The following ACBD6 variants were observed in gnomAD, a reference collection of about 807,000 sequenced individuals.
ACBD6 encodes acyl-CoA binding domain containing 6.
ACBD6 carries 28 observed loss-of-function variants against 37.2 expected under a neutral mutation model. The ratio of observed to expected loss-of-function variants is 0.75; its 90% CI spans 0.56 to 1.03. The LOEUF (loss-of-function observed/expected upper bound fraction) is 1.03, where lower values mean the gene tolerates loss of function less well. Ranked by LOEUF, ACBD6 falls within the 50% of genes least tolerant of loss-of-function variation. ACBD6 has a pLI of 0.00. For missense variants in ACBD6, 340 were observed against 337.4 expected (o/e 1.01, Z -0.06); for synonymous variants, 113 against 126.8 (o/e 0.89, Z 0.73).
intron 7 of ACBD6, among the ~76,000 whole-genome samples, chr1:180,288,913 T>A (rs1049512438): frequency 2.6e-5 from 4 of 151,976 alleles, no homozygotes; most frequent in Non-Finnish European, 2.9e-5. Flanking sequence ...ATACTGTAAA[T>A]GTCAAATAAA....
At chr1:180,484,480 T>C (rs972902917) in intron 3 of ACBD6, among the ~76,000 whole-genome samples, 2 of 152,186 alleles carry the variant, frequency 1.3e-5, no homozygotes, top group Non-Finnish European at 2.9e-5. Flanking sequence ...TTGAGGATAC[T>C]GGGAGCAGGG....
chr1:180,469,749 T>G (rs1650483945), intron 3 of ACBD6, among the ~76,000 whole-genome samples: 1 of 152,244 alleles, frequency 6.6e-6, no homozygotes, highest in Non-Finnish European at 1.5e-5. Flanking sequence ...TAGCCTACCA[T>G]GTGCAGGTTA....
At chr1:180,474,364 A>G (rs977295339) in intron 3 of ACBD6, among the ~76,000 whole-genome samples, 2 of 152,190 alleles carry the variant, frequency 1.3e-5, no homozygotes, top group Non-Finnish European at 2.9e-5. Context: ...ATGCAGCCCT[A>G]GAAAAGAGCA....
chr1:180,332,793 T>C (rs1307019055), intron 6 of ACBD6, among the ~76,000 whole-genome samples: 1 of 152,136 alleles, frequency 6.6e-6, no homozygotes, highest in Non-Finnish European at 1.5e-5. Context: ...CAGTCCATGG[T>C]AAAATTGTCT....
chr1:180,388,284 T>C (rs1043903303), intron 6 of ACBD6, among the ~76,000 whole-genome samples: 5 of 152,224 alleles, frequency 3.3e-5, no homozygotes, highest in Admixed American at 3.3e-4. Flanking sequence ...CCCTTTAGTC[T>C]TCTTATGTTT....
intron 3 of ACBD6, among the ~76,000 whole-genome samples, chr1:180,451,537 A>G (rs527259056): frequency 6.6e-6 from 1 of 152,306 alleles, no homozygotes; most frequent in East Asian, 1.9e-4. Context: ...ATAGAATACT[A>G]CTCATCCATA....
intron 6 of ACBD6, among the ~76,000 whole-genome samples, chr1:180,359,730 T>C (rs1018795641): frequency 5.3e-5 from 8 of 152,128 alleles, no homozygotes; most frequent in African/African-American, 1.9e-4. Flanking sequence ...TTTGCTGTTA[T>C]GACTTTTAGA....
intron 5 of ACBD6, among the ~76,000 whole-genome samples, chr1:180,412,165 G>A (rs1383012900): frequency 6.8e-6 from 1 of 147,866 alleles, no homozygotes; most frequent in African/African-American, 2.5e-5. Flanking sequence ...AGAATCAGAA[G>A]ACCTGGTATT....
chr1:180,469,954 GCAT>G (rs1273018744), intron 3 of ACBD6, among the ~76,000 whole-genome samples: 4 of 151,930 alleles, frequency 2.6e-5, no homozygotes, highest in African/African-American at 9.7e-5. Context: ...CAACTTTAAA[GCAT>G]AATACACTAC....
chr1:180,427,935 C>A (rs1486702474), intron 4 of ACBD6, among the ~76,000 whole-genome samples: 119 of 140,426 alleles, frequency 8.5e-4, no homozygotes, highest in African/African-American at 2.8e-3. Flanking sequence ...AAAAAAAAAA[C>A]CAAAAACCAA....
chr1:180,409,835 G>T (rs1647780026), intron 5 of ACBD6, among the ~76,000 whole-genome samples: 1 of 152,168 alleles, frequency 6.6e-6, no homozygotes, highest in Non-Finnish European at 1.5e-5. Flanking sequence ...GAAAAGGGCT[G>T]CACCGTCTCT....
intron 6 of ACBD6, among the ~76,000 whole-genome samples, chr1:180,383,279 T>C (rs1008462692): frequency 4.6e-5 from 7 of 152,294 alleles, no homozygotes; most frequent in African/African-American, 1.4e-4. Flanking sequence ...TATGATCTTA[T>C]ATCTAGAAAA....
chr1:180,289,111 C>T (rs137931399), intron 7 of ACBD6, among the ~76,000 whole-genome samples: 11 of 148,178 alleles, frequency 7.4e-5, no homozygotes, highest in East Asian at 5.9e-4. Context: ...GAAAAAAGGG[C>T]GTAGAGATAT....
exon 14 of ACBD6, chr1:180,271,321 G>A: frequency 1.3e-6 from 2 of 1,591,596 alleles, no homozygotes; most frequent in Non-Finnish European, 1.7e-6. Context: ...GAGGGTGTGG[G>A]AGGAGGCGCA....
intron 3 of ACBD6, among the ~76,000 whole-genome samples, chr1:180,483,281 A>G (rs1242684880): frequency 6.6e-6 from 1 of 152,080 alleles, no homozygotes; most frequent in Non-Finnish European, 1.5e-5. Context: ...TTACCTTTTC[A>G]GTGAGCCTCT....
intron 3 of ACBD6, among the ~76,000 whole-genome samples, chr1:180,448,585 C>G (rs550492231): frequency 6.6e-6 from 1 of 152,074 alleles, no homozygotes; most frequent in Non-Finnish European, 1.5e-5. Flanking sequence ...AAGCTTTATA[C>G]TGGAAGAAAG....
intron 3 of ACBD6, among the ~76,000 whole-genome samples, chr1:180,452,844 C>T (rs979912087): frequency 6.6e-5 from 10 of 152,172 alleles, no homozygotes; most frequent in African/African-American, 2.4e-4. Context: ...GACGCATGCA[C>T]CCTCCCAAGA....
In ACBD6 at chr1:180,294,549, T is replaced by TATAATA. The variant is rs79651267; in HGVS notation, c.695-6038_695-6033dup. 9.4e-3 allele frequency among the ~76,000 whole-genome samples: 1,419 copies of TATAATA among 151,550 alleles called. 13 individuals are homozygous for TATAATA. The highest frequency in any genetic ancestry group is 0.012 in the Non-Finnish European group (824 of 67,858). ...ACTGAGACCCTGACTTAAAAAAATA[T>TATAATA]ATAATAATAATAATAATAAATTTGT... On this transcript the variant is annotated intron_variant, in intron 7 of 7. Coordinates refer to ENST00000367595, the MANE Select transcript of ACBD6 (RefSeq NM_032360.4).
chr1:180,488,329 T>A (rs1201455548), intron 3 of ACBD6, among the ~76,000 whole-genome samples: 1 of 152,192 alleles, frequency 6.6e-6, no homozygotes, highest in East Asian at 1.9e-4. Flanking sequence ...TGAGATAAGA[T>A]GAAACACATA....
Sources: allele counts gnomAD v4.1 joint callset (sites outside exome capture counted in the v4.1 genomes callset), GRCh38; gene constraint gnomAD v4.1.1; transcripts MANE v1.5; gene names NCBI Gene and HGNC (gene_info 2026-07-23, HGNC 2026-07-21).